Variants in DIAPH2 observed in about 807,000 individuals in gnomAD.
The protein encoded by DIAPH2 is protein diaphanous homolog 2.
A neutral mutation model predicts 92.7 loss-of-function variants in DIAPH2; 35 were observed. The observed-to-expected ratio is 0.38, with a 90% confidence interval of 0.29 to 0.50. The LOEUF is 0.50. Ranked by LOEUF, DIAPH2 falls within the 20% of genes least tolerant of loss-of-function variation. The probability of loss-of-function intolerance (pLI) is 0.94; values close to 1 mark genes in which losing one functional copy is unlikely to be tolerated. For missense variants in DIAPH2, 701 were observed against 819.5 expected, an observed-to-expected ratio of 0.86 and a Z score of 1.77; for synonymous variants, 301 against 280.4, an observed-to-expected ratio of 1.07 and a Z score of -0.73.
At chrX:96,690,037 C>G (rs1251937511) in intron 1 of DIAPH2, among the ~76,000 whole-genome samples, 2 of 108,845 alleles carry the variant, frequency 1.8e-5, no homozygotes, top group African/African-American at 6.7e-5. Context: ...CCTATCCATA[C>G]ATTCCTCTTT....
intron 26 of DIAPH2, among the ~76,000 whole-genome samples, chrX:97,543,978 C>T: frequency 8.9e-6 from 1 of 112,198 alleles, no homozygotes; most frequent in Non-Finnish European, 1.9e-5. Flanking sequence ...CTATCGCGCT[C>T]AGATCTATCA....
intron 17 of DIAPH2, among the ~76,000 whole-genome samples, chrX:97,042,213 G>T (rs750431389): frequency 8.9e-6 from 1 of 111,882 alleles, no homozygotes; most frequent in African/African-American, 3.2e-5. Context: ...AGTTCTTCTT[G>T]ATCTATAAAT....
chrX:97,009,020 TA>T (rs1210164898), intron 17 of DIAPH2, among the ~76,000 whole-genome samples: 4 of 111,148 alleles, frequency 3.6e-5, no homozygotes, highest in Non-Finnish European at 7.5e-5. Context: ...GGGCAGTGAG[TA>T]CCCTTTGGCC....
intron 17 of DIAPH2, among the ~76,000 whole-genome samples, chrX:96,973,688 C>CTTTTT (rs1169211955): frequency 4.3e-4 from 20 of 46,689 alleles, no homozygotes; most frequent in African/African-American, 7.3e-4. Flanking sequence ...TGAATATTTG[C>CTTTTT]TTTTTTTTTT....
At chrX:97,176,778 C>T (rs1279765740) in intron 22 of DIAPH2, among the ~76,000 whole-genome samples, 2 of 111,531 alleles carry the variant, frequency 1.8e-5, no homozygotes, top group Non-Finnish European at 3.8e-5. Context: ...CCGCCTGCCT[C>T]GGCCTCCCAA....
At chrX:97,093,081 G>A (rs1430662698) in intron 19 of DIAPH2, among the ~76,000 whole-genome samples, 4 of 108,900 alleles carry the variant, frequency 3.7e-5, no homozygotes, top group East Asian at 2.9e-4. Context: ...CCAACTGCTC[G>A]GGAGGCTGAG....
At chrX:97,310,895 G>A (rs900226614) in intron 23 of DIAPH2, among the ~76,000 whole-genome samples, 6 of 111,552 alleles carry the variant, frequency 5.4e-5, no homozygotes, top group African/African-American at 1.6e-4. Flanking sequence ...CTGTAATCGC[G>A]CTACTTGGGA....
intron 17 of DIAPH2, among the ~76,000 whole-genome samples, chrX:97,034,050 CA>C (rs1471233493): frequency 9.7e-6 from 1 of 103,053 alleles, no homozygotes; most frequent in African/African-American, 3.5e-5. Flanking sequence ...ATTCTGAAAT[CA>C]TTTTTTTTTG....
chrX:97,026,752 A>G (rs2066337759), intron 17 of DIAPH2, among the ~76,000 whole-genome samples: 1 of 111,009 alleles, frequency 9.0e-6, no homozygotes, highest in South Asian at 3.7e-4. Flanking sequence ...TCTCACATGT[A>G]GAAGATAGAG....
chrX:97,520,601 C>T (rs752489012), intron 26 of DIAPH2, among the ~76,000 whole-genome samples: 1 of 112,009 alleles, frequency 8.9e-6, no homozygotes, highest in African/African-American at 3.2e-5. Flanking sequence ...TCATCTACTT[C>T]CCAGAAAGAT....
Position 96,970,200 on chromosome X carries a change from AG to A in DIAPH2, c.2050+4995del, listed in dbSNP as rs1240161762. ...TTTCATGTTCTGTTGTTTCTTTGCC[AG>A]GTTTTGCTATCAGGGTGATGCTGGC... On this transcript the variant is annotated intron_variant, in intron 17 of 26. Coordinates refer to ENST00000324765, the MANE Select transcript of DIAPH2 (RefSeq NM_006729.5). 8.1e-5 allele frequency among the ~76,000 whole-genome samples: 9 copies of A among 110,905 alleles called. No individual in the cohort carries two copies. The Admixed American group carries it at 8.6e-4, about 11-fold the overall frequency.
chrX:96,998,249 T>A (rs904667762), intron 17 of DIAPH2, among the ~76,000 whole-genome samples: 4 of 111,736 alleles, frequency 3.6e-5, no homozygotes, highest in Non-Finnish European at 7.5e-5. Context: ...TGGCATTTTT[T>A]AGGATATATT....
At chrX:96,938,571 T>C (rs2065673101) in intron 11 of DIAPH2, among the ~76,000 whole-genome samples, 1 of 111,546 alleles carries the variant, frequency 9.0e-6, no homozygotes, top group Non-Finnish European at 1.9e-5. Flanking sequence ...TCAGGTTATT[T>C]TAGGATATTG....
At chrX:97,332,919 C>G (rs1044318541) in intron 23 of DIAPH2, among the ~76,000 whole-genome samples, 1 of 112,021 alleles carries the variant, frequency 8.9e-6, no homozygotes, top group Non-Finnish European at 1.9e-5. Context: ...TTCAATAAAA[C>G]TAGATTCCCC....
chrX:96,735,896 T>C, intron 2 of DIAPH2, 106 bp downstream of exon 2: 1 of 469,042 alleles, frequency 2.1e-6, no homozygotes, highest in South Asian at 4.8e-5. Flanking sequence ...AATGTCTGGA[T>C]ATTTACAAAG....
At chrX:97,113,885 C>T (rs1044742979) in intron 20 of DIAPH2, among the ~76,000 whole-genome samples, 1 of 111,214 alleles carries the variant, frequency 9.0e-6, no homozygotes. Context: ...TGTGTGTCTA[C>T]CTCTCCCCGA....
chrX:96,772,127 G>A (rs1254428423), intron 4 of DIAPH2, among the ~76,000 whole-genome samples: 1 of 111,395 alleles, frequency 9.0e-6, no homozygotes, highest in Non-Finnish European at 1.9e-5. Context: ...AGTTAATCAA[G>A]TTTCTTCTGT....
intron 22 of DIAPH2, among the ~76,000 whole-genome samples, chrX:97,242,629 G>A (rs1435342213): frequency 9.0e-6 from 1 of 110,500 alleles, no homozygotes; most frequent in Non-Finnish European, 1.9e-5. Flanking sequence ...GCCTCCCAAA[G>A]TGCTGGGATT....
intron 3 of DIAPH2, among the ~76,000 whole-genome samples, chrX:96,743,828 A>ATC (rs2064133927): frequency 9.0e-6 from 1 of 111,595 alleles, no homozygotes; most frequent in Non-Finnish European, 1.9e-5. Flanking sequence ...CTAAGAGTAG[A>ATC]TGTAAAGTGT....
Sources: gnomAD v4.1 joint callset for allele counts (sites outside exome capture counted in the v4.1 genomes callset) on GRCh38, gnomAD v4.1.1 for gene constraint, MANE v1.5 for transcripts, NCBI Gene and HGNC (gene_info 2026-07-23, HGNC 2026-07-21) for gene names.